MNAT1: variants seen among roughly 807,000 people sequenced by gnomAD.
MNAT1 encodes the protein CDK-activating kinase assembly factor MAT1.
In MNAT1, 43 loss-of-function variants were observed where a neutral mutation model predicts 42.0. The observed-to-expected ratio is 1.02, with a 90% CI of 0.80 to 1.32. The LOEUF is 1.32. MNAT1 is among the 40% of genes most tolerant of loss of function. The pLI, the probability that MNAT1 is intolerant of heterozygous loss-of-function variation, is 0.00. For missense variants in MNAT1, 306 were observed against 350.4 expected (o/e 0.87, Z 1.01); for synonymous variants, 118 against 120.0 (o/e 0.98, Z 0.11).
At chr14:60,780,149 G>A in intron 1 of MNAT1, 2 of 1,515,094 alleles carry the variant, frequency 1.3e-6, no homozygotes, top group Non-Finnish European at 1.8e-6. Context: ...TGTAACTACT[G>A]ATCTTGAGCT....
intron 7 of MNAT1, among the ~76,000 whole-genome samples, chr14:60,908,872 G>C (rs890877809): frequency 6.6e-5 from 10 of 152,158 alleles, no homozygotes; most frequent in Non-Finnish European, 1.0e-4. Context: ...GGTATTTCTA[G>C]TTCTAGATCC....
intron 6 of MNAT1, among the ~76,000 whole-genome samples, chr14:60,841,182 C>T (rs1015283500): frequency 6.6e-6 from 1 of 151,400 alleles, no homozygotes; most frequent in Non-Finnish European, 1.5e-5. Context: ...CCTTTCCCTC[C>T]CTTTGTATCT....
intron 5 of MNAT1, 87 bp downstream of exon 5, chr14:60,812,214 T>C (rs2032575153): frequency 7.9e-7 from 1 of 1,266,674 alleles, no homozygotes; most frequent in South Asian, 2.0e-5. Flanking sequence ...TTTAAAGGGC[T>C]TTTCCACAGT....
intron 1 of MNAT1, among the ~76,000 whole-genome samples, chr14:60,772,410 C>T (rs1013910912): frequency 1.3e-5 from 2 of 152,156 alleles, no homozygotes; most frequent in Non-Finnish European, 2.9e-5. Flanking sequence ...CATGGTAAAA[C>T]CCTGTCTCTA....
intron 7 of MNAT1, among the ~76,000 whole-genome samples, chr14:60,896,115 T>C (rs910969669): frequency 6.6e-6 from 1 of 152,210 alleles, no homozygotes; most frequent in African/African-American, 2.4e-5. Context: ...GAGAAATAGA[T>C]GAAGAATATT....
intron 6 of MNAT1, among the ~76,000 whole-genome samples, chr14:60,868,204 C>T (rs900541081): frequency 6.6e-6 from 1 of 152,144 alleles, no homozygotes; most frequent in African/African-American, 2.4e-5. Flanking sequence ...AATATATTCA[C>T]ATCCATATAC....
chr14:60,839,879 C>T (rs2033497461), intron 6 of MNAT1, among the ~76,000 whole-genome samples: 1 of 152,220 alleles, frequency 6.6e-6, no homozygotes, highest in African/African-American at 2.4e-5. Context: ...CTCATGCACC[C>T]GTCACTGCTC....
intron 1 of MNAT1, among the ~76,000 whole-genome samples, chr14:60,780,749 G>A (rs561915048): frequency 4.7e-4 from 71 of 151,848 alleles, no homozygotes; most frequent in African/African-American, 1.7e-3. Flanking sequence ...TGTTCCTTTT[G>A]TTTTTTTGGT....
At chr14:60,965,279 C>G (rs898702449) in intron 7 of MNAT1, among the ~76,000 whole-genome samples, 4 of 152,110 alleles carry the variant, frequency 2.6e-5, no homozygotes, top group East Asian at 1.9e-4. Flanking sequence ...TGACTATGTT[C>G]AAGAAATACT....
At chr14:60,883,147 C>A (rs1417517712) in intron 7 of MNAT1, among the ~76,000 whole-genome samples, 1 of 152,070 alleles carries the variant, frequency 6.6e-6, no homozygotes, top group African/African-American at 2.4e-5. Flanking sequence ...CCTCAAAAAT[C>A]TTTGCCCACT....
intron 1 of MNAT1, among the ~76,000 whole-genome samples, chr14:60,771,319 T>A (rs1295977574): frequency 6.6e-6 from 1 of 152,120 alleles, no homozygotes; most frequent in Non-Finnish European, 1.5e-5. Context: ...CTTTTCATGC[T>A]TTTTGGTAGT....
chr14:60,875,437 T>A (rs941484406), intron 6 of MNAT1, among the ~76,000 whole-genome samples: 1 of 152,108 alleles, frequency 6.6e-6, no homozygotes, highest in Non-Finnish European at 1.5e-5. Context: ...CAGACTTGGC[T>A]TTTAATCATC....
At chr14:60,739,008 G>T (rs2140281775) in intron 1 of MNAT1, among the ~76,000 whole-genome samples, 1 of 152,268 alleles carries the variant, frequency 6.6e-6, no homozygotes, top group East Asian at 1.9e-4. Flanking sequence ...CAAGTTGTTG[G>T]CTAGGACTGC....
At chr14:60,808,760 T>C (rs1394897592) in intron 4 of MNAT1, 1 of 156,794 alleles carries the variant, frequency 6.4e-6, no homozygotes, top group East Asian at 1.8e-4. Flanking sequence ...TGGAGGCTCA[T>C]TTTTATCCTT....
intron 7 of MNAT1, among the ~76,000 whole-genome samples, chr14:60,930,168 C>A (rs1039758636): frequency 2.0e-5 from 3 of 150,208 alleles, no homozygotes; most frequent in Admixed American, 1.3e-4. Flanking sequence ...AGGATATCCT[C>A]CTTCGAGATC....
intron 6 of MNAT1, among the ~76,000 whole-genome samples, chr14:60,854,119 A>T (rs2033897084): frequency 6.6e-6 from 1 of 152,102 alleles, no homozygotes. Context: ...ATGCTTCACG[A>T]AGTTCTCGTG....
chr14:60,753,238 A>C (rs554223536), intron 1 of MNAT1, among the ~76,000 whole-genome samples: 10 of 152,302 alleles, frequency 6.6e-5, no homozygotes, highest in African/African-American at 2.4e-4. Flanking sequence ...CTGGGGCTCT[A>C]TTCATTTGAA....
At chr14:60,745,445 C>T (rs369916455) in intron 1 of MNAT1, among the ~76,000 whole-genome samples, 1 of 152,148 alleles carries the variant, frequency 6.6e-6, no homozygotes. Context: ...TTGAGACAGT[C>T]TCGCTCTGTT....
At chr14:60,830,566 A>G (rs969206209) in intron 6 of MNAT1, among the ~76,000 whole-genome samples, 4 of 152,174 alleles carry the variant, frequency 2.6e-5, no homozygotes, top group Non-Finnish European at 5.9e-5. Context: ...TCATGACCAG[A>G]TATTTCCTGC....
Sources: gnomAD v4.1 joint callset for allele counts (sites outside exome capture counted in the v4.1 genomes callset) on GRCh38, gnomAD v4.1.1 for gene constraint, MANE v1.5 for transcripts, NCBI Gene and HGNC (gene_info 2026-07-23, HGNC 2026-07-21) for gene names.